The following SLC39A11 variants were observed in gnomAD, a reference collection of about 807,000 sequenced individuals.
The protein encoded by SLC39A11 is zinc transporter ZIP11.
SLC39A11 carries 33 observed loss-of-function variants against 36.1 expected under a neutral mutation model. The observed-to-expected ratio is 0.91, with a 90% CI of 0.69 to 1.22. The LOEUF is 1.22. Ranked by LOEUF, SLC39A11 falls within the 50% of genes most tolerant of loss-of-function variation. The pLI is 0.00. For synonymous variants in SLC39A11, 166 were observed against 170.3 expected (o/e 0.97, Z 0.20); for missense variants, 432 against 430.3 (o/e 1.00, Z -0.03).
At chr17:72,702,939 C>A (rs1249283460) in intron 7 of SLC39A11, among the ~76,000 whole-genome samples, 63 of 86,780 alleles carry the variant, frequency 7.3e-4, no homozygotes, top group African/African-American at 1.1e-3. Context: ...TCCATCTCAC[C>A]AAAAAAAAAA....
At chr17:72,663,441 G>A (rs1004610758) in intron 7 of SLC39A11, among the ~76,000 whole-genome samples, 5 of 152,164 alleles carry the variant, frequency 3.3e-5, no homozygotes, top group Admixed American at 2.0e-4. Flanking sequence ...CCCACATCCC[G>A]ATCAAGAAAC....
chr17:72,947,790 G>A lies in SLC39A11; in HGVS notation c.392C>T (p.Ala131Val), dbSNP rs201967760. 1.0e-4 allele frequency: 167 copies of A among 1,614,152 alleles called. No homozygotes were observed. The highest frequency in any genetic ancestry group is 1.3e-4 in the Non-Finnish European group (150 of 1,180,046). The change falls in exon 5 of 10, where the codon GCG (alanine) becomes GTG (valine). Residue 131 changes from alanine (A) to valine (V), a missense_variant. Physicochemically the swap from Ala to Val is moderately conservative, Grantham distance 64 (BLOSUM62 0). Transcript: ENST00000255559. ...MKKKSDPEGPALLFPESELSI... is the reference protein window; with the variant it reads ...MKKKSDPEGPVLLFPESELSI... ...AAGTTCACTCTCAGGGAAGAGCAGC[G>A]CGGGACCCTCAGGATCAGACTTCTT...
At chr17:72,804,313 T>A (rs2077185046) in intron 6 of SLC39A11, among the ~76,000 whole-genome samples, 1 of 152,286 alleles carries the variant, frequency 6.6e-6, no homozygotes, top group Non-Finnish European at 1.5e-5. Flanking sequence ...CATAGGGAGT[T>A]CTGCCCAGTG....
chr17:72,752,435 G>A (rs907448508), intron 6 of SLC39A11, among the ~76,000 whole-genome samples: 1 of 151,974 alleles, frequency 6.6e-6, no homozygotes, highest in Non-Finnish European at 1.5e-5. Context: ...AGTAGAGATG[G>A]GGTTTCACCA....
chr17:72,953,888 C>G (rs1439591523), intron 4 of SLC39A11, among the ~76,000 whole-genome samples: 1 of 152,188 alleles, frequency 6.6e-6, no homozygotes, highest in Non-Finnish European at 1.5e-5. Flanking sequence ...GTCTGGGAGG[C>G]AAACCTGACC....
chr17:72,909,449 A>G (rs750114982), intron 5 of SLC39A11, among the ~76,000 whole-genome samples: 1 of 152,224 alleles, frequency 6.6e-6, no homozygotes, highest in Admixed American at 6.5e-5. Context: ...ACGGGTCTCC[A>G]TGCAACACGC....
At position 72,996,840 on chromosome 17, in the gene SLC39A11, A is replaced by G. The variant is rs114546045; in HGVS notation, c.306+34716T>C. ...CTTCTACCATGTGACTTGCTTAGCC[A>G]GTGGTATGTGGATGGAAGTATCCAT... On this transcript the variant is annotated intron_variant, in intron 4 of 9. Transcript: ENST00000255559. Among the ~76,000 whole-genome samples the G allele has an allele frequency of 8.2e-3, 1,244 of 152,246 alleles. 20 individuals are homozygous for G. The highest frequency in any genetic ancestry group is 0.025 in the African/African-American group (1,050 of 41,528).
chr17:73,080,269 G>C (rs2144711243), intron 3 of SLC39A11, among the ~76,000 whole-genome samples: 1 of 152,222 alleles, frequency 6.6e-6, no homozygotes, highest in South Asian at 2.1e-4. Flanking sequence ...AAACAGCATG[G>C]TACTGGTATA....
chr17:72,899,363 C>A (rs1440413500), intron 5 of SLC39A11, among the ~76,000 whole-genome samples: 1 of 152,146 alleles, frequency 6.6e-6, no homozygotes, highest in Non-Finnish European at 1.5e-5. Flanking sequence ...AATTTCCTAT[C>A]CTGAAACCAA....
chr17:72,880,802 C>G (rs1296919798), intron 5 of SLC39A11, among the ~76,000 whole-genome samples: 1 of 145,292 alleles, frequency 6.9e-6, no homozygotes, highest in Admixed American at 6.8e-5. Context: ...CTGCCTCAGC[C>G]TCCTGAGTAG....
intron 5 of SLC39A11, among the ~76,000 whole-genome samples, chr17:72,850,737 A>G (rs190279193): frequency 7.0e-4 from 106 of 152,308 alleles, no homozygotes; most frequent in African/African-American, 2.5e-3. Context: ...CTATGTCACA[A>G]GCGTTTTGTG....
chr17:73,024,564 G>C (rs186695153), intron 4 of SLC39A11, among the ~76,000 whole-genome samples: 76 of 152,268 alleles, frequency 5.0e-4, no homozygotes, highest in African/African-American at 1.7e-3. Context: ...ATCTACGAAG[G>C]AGAAATAAAT....
At chr17:73,022,422 T>C (rs2148599409) in intron 4 of SLC39A11, among the ~76,000 whole-genome samples, 1 of 151,980 alleles carries the variant, frequency 6.6e-6, no homozygotes, top group Admixed American at 6.6e-5. Context: ...TGGCGAAACC[T>C]GGTCTCTACT....
Position 73,004,232 on chromosome 17 carries a change from A to AAAAGAAAGAAAGAAAG in SLC39A11, c.306+27323_306+27324insCTTTCTTTCTTTCTTT, listed in dbSNP as rs59543378. On this transcript the variant is annotated intron_variant, in intron 4 of 9. Transcript: ENST00000255559. ...GAAAGAAAGAAAGAAAGAAAGAAAGAAAAGAAAGAAAGAGAAAAAGCAAGC... is the reference window on the plus strand; with the variant it reads ...GAAAGAAAGAAAGAAAGAAAGAAAGAAAAGAAAGAAAGAAAGAAAGAAAGAAAGAGAAAAAGCAAGC... 8.6e-4 allele frequency among the ~76,000 whole-genome samples: 76 copies of AAAAGAAAGAAAGAAAG among 88,696 alleles called. 1 individual carries two copies. The East Asian group carries it at 9.8e-3, about 11-fold the overall frequency. 58.2% of individuals were successfully genotyped at this position (88,696 alleles called of 152,430 possible). A position where few individuals can be genotyped will look rare whatever the true frequency, so the allele number is the denominator to read the frequency against.
At chr17:72,774,290 T>C (rs1364721815) in intron 6 of SLC39A11, among the ~76,000 whole-genome samples, 2 of 152,106 alleles carry the variant, frequency 1.3e-5, no homozygotes, top group African/African-American at 4.8e-5. Flanking sequence ...CACCAAACTC[T>C]CTATCTTCTG....
intron 3 of SLC39A11, among the ~76,000 whole-genome samples, chr17:73,042,642 A>G (rs571558994): frequency 8.5e-5 from 13 of 152,172 alleles, no homozygotes; most frequent in Non-Finnish European, 1.9e-4. Context: ...CTCTACTAAA[A>G]ATACAAAAAT....
intron 7 of SLC39A11, among the ~76,000 whole-genome samples, chr17:72,705,387 G>T (rs2072847366): frequency 6.6e-6 from 1 of 152,208 alleles, no homozygotes; most frequent in South Asian, 2.1e-4. Context: ...AAGTACAGCT[G>T]ATTGCAACTA....
chr17:72,693,937 C>A (rs148923646), intron 7 of SLC39A11, among the ~76,000 whole-genome samples: 2,155 of 152,286 alleles, frequency 0.014, 45 homozygotes, highest in African/African-American at 0.046. Context: ...GCCGGGACCA[C>A]AGGGGTGAGC....
At chr17:73,067,737 A>G (rs1204890936) in intron 3 of SLC39A11, 2 of 765,194 alleles carry the variant, frequency 2.6e-6, no homozygotes, top group Non-Finnish European at 2.2e-6. Flanking sequence ...TTTCTTATGC[A>G]TAAACATAGA....
Sources: allele counts gnomAD v4.1 joint callset (sites outside exome capture counted in the v4.1 genomes callset), GRCh38; gene constraint gnomAD v4.1.1; transcripts MANE v1.5; gene names NCBI Gene and HGNC (gene_info 2026-07-23, HGNC 2026-07-21).